MLYCD: variants seen among roughly 807,000 people sequenced by gnomAD.
MLYCD encodes the protein malonyl-CoA decarboxylase.
In MLYCD, 27 loss-of-function variants were observed where a neutral mutation model predicts 35.8. The ratio of observed to expected loss-of-function variants is 0.75; its 90% CI spans 0.56 to 1.04. The LOEUF (loss-of-function observed/expected upper bound fraction) is 1.04, where lower values mean the gene tolerates loss of function less well. Among genes scored for constraint, MLYCD ranks in the 50% least tolerant of loss-of-function variants. The pLI is 0.00. For missense variants in MLYCD, 917 were observed against 665.1 expected (o/e 1.38, Z -4.17); for synonymous variants, 403 against 302.4 (o/e 1.33, Z -3.45).
Position 83,923,184 on chromosome 16 carries a change from C to T in MLYCD, c.*7695C>T, listed in dbSNP as rs1486764446. 2 of 152,296 alleles carry T rather than the reference C, an allele frequency of 1.3e-5. No individual in the cohort carries two copies. The highest frequency in any genetic ancestry group is 2.4e-5 in the African/African-American group (1 of 41,470). 9.4% of individuals were successfully genotyped at this position (152,296 alleles called of 1,614,324 possible). A position where few individuals can be genotyped will look rare whatever the true frequency, so the allele number is the denominator to read the frequency against. On this transcript the variant is annotated 3_prime_UTR_variant, in exon 5 of 5. Transcript: ENST00000262430. ...TTGCTCCCAAGAGGGCTTCCCTCCT[C>T]CTCGTTCTGTGTGGCCTCAGAAGTG...
Position 83,915,208 on chromosome 16 carries a change from C to T in MLYCD, c.1201C>T (p.Leu401=). Reference sequence around the variant, plus strand: ...GGCGCTGCAGACTCCGCTGATGAGGCTGTGCGCCTGGTACCTGTATGGAGA... The same window carrying T: ...GGCGCTGCAGACTCCGCTGATGAGGTTGTGCGCCTGGTACCTGTATGGAGA... ...VRALQTPLMR[L]CAWYLYGEKH... Residue 401 remains leucine (L), a synonymous_variant, in exon 5 of 5, where the codon CTG becomes TTG. Coordinates refer to ENST00000262430, the MANE Select transcript of MLYCD (RefSeq NM_012213.3). The T allele has an allele frequency of 6.2e-7, 1 of 1,614,060 alleles. No homozygotes were observed. Among genetic ancestry groups the T allele is most frequent in the Non-Finnish European group, 8.5e-7 (1 of 1,179,886 alleles).
Position 83,926,469 on chromosome 16 carries a change from A to G in MLYCD, c.*10980A>G, listed in dbSNP as rs1212664165. Reference sequence around the variant, plus strand: ...GCCGTGACACCTAATCCATCCGGGGAAGTTCCCTTTAAACCCAAAAGGGGA... The same window carrying G: ...GCCGTGACACCTAATCCATCCGGGGGAGTTCCCTTTAAACCCAAAAGGGGA... On this transcript the variant is annotated 3_prime_UTR_variant, in exon 5 of 5. Coordinates refer to ENST00000262430, the MANE Select transcript of MLYCD (RefSeq NM_012213.3). 3.3e-5 allele frequency: 5 copies of G among 152,168 alleles called. No homozygotes were observed. Among genetic ancestry groups the G allele is most frequent in the African/African-American group, 7.2e-5 (3 of 41,442 alleles). 9.4% of individuals were successfully genotyped at this position (152,168 alleles called of 1,614,324 possible). A position where few individuals can be genotyped will look rare whatever the true frequency, so the allele number is the denominator to read the frequency against.
intron 2 of MLYCD, among the ~76,000 whole-genome samples, chr16:83,907,882 A>G (rs1907037609): frequency 6.6e-6 from 1 of 152,114 alleles, no homozygotes; most frequent in Non-Finnish European, 1.5e-5. Flanking sequence ...GAGCCTCACA[A>G]ACTCCTTTTA....
At chr16:83,912,093 G>A (rs1907199259) in intron 3 of MLYCD, 125 bp from the exon 4 acceptor site, 1 of 1,373,050 alleles carries the variant, frequency 7.3e-7, no homozygotes, top group East Asian at 2.3e-5. Flanking sequence ...CCCCAGCTGG[G>A]GAGCCGAGGT....
Position 83,918,217 on chromosome 16 carries a change from T to G in MLYCD, c.*2728T>G, listed in dbSNP as rs569451326. ...TTCTTAACCTTTTGTGAGTTACAGA[T>G]CACTGAAATTCTGGTGAAAGCCAGG... On this transcript the variant is annotated 3_prime_UTR_variant, in exon 5 of 5. Transcript: ENST00000262430. 1 of 152,236 alleles carries G rather than the reference T, an allele frequency of 6.6e-6. No homozygotes were observed. The highest frequency in any genetic ancestry group is 2.4e-5 in the African/African-American group (1 of 41,454). The allele number at this position is 152,236 out of a possible 1,614,324, so 9.4% of individuals were successfully genotyped here. A position where few individuals can be genotyped will look rare whatever the true frequency, so the allele number is the denominator to read the frequency against.
intron 1 of MLYCD, among the ~76,000 whole-genome samples, chr16:83,904,355 A>T (rs151249667): frequency 6.6e-6 from 1 of 152,052 alleles, no homozygotes; most frequent in East Asian, 1.9e-4. Flanking sequence ...TTACTAATGT[A>T]TTTGCAGTGT....
intron 1 of MLYCD, among the ~76,000 whole-genome samples, chr16:83,903,614 C>T (rs1377197474): frequency 6.6e-6 from 1 of 152,182 alleles, no homozygotes; most frequent in Non-Finnish European, 1.5e-5. Context: ...GTGGGCTGGT[C>T]TAAACGGTGT....
At chr16:83,905,659 T>C (rs1220679562) in intron 1 of MLYCD, among the ~76,000 whole-genome samples, 2 of 152,244 alleles carry the variant, frequency 1.3e-5, no homozygotes, top group East Asian at 3.9e-4. Context: ...GCCAAGGGCC[T>C]GCTCCTGCTG....
At position 83,923,962 on chromosome 16, in the gene MLYCD, G is replaced by A. The variant is rs546307186; in HGVS notation, c.*8473G>A. 6.6e-6 allele frequency: 1 copy of A among 152,462 alleles called. No homozygotes were observed. Among genetic ancestry groups the A allele is most frequent in the South Asian group, 2.1e-4 (1 of 4,828 alleles). 9.4% of individuals were successfully genotyped at this position (152,462 alleles called of 1,614,324 possible). A position where few individuals can be genotyped will look rare whatever the true frequency, so the allele number is the denominator to read the frequency against. Reference sequence around the variant, plus strand: ...TGCTGACATTCTGGCAAGGGGGCGGGGGTCTGTGGAAGACAACCCCAGGCT... The same window carrying A: ...TGCTGACATTCTGGCAAGGGGGCGGAGGTCTGTGGAAGACAACCCCAGGCT... On this transcript the variant is annotated 3_prime_UTR_variant, in exon 5 of 5. Transcript: ENST00000262430.
rs374073138 is a variant in MLYCD at position 83,915,020 on chromosome 16, T to C, written c.1013T>C (p.Leu338Pro). The change falls in exon 5 of 5, where the codon CTT (leucine) becomes CCT (proline). Residue 338 changes from leucine (L) to proline (P), a missense_variant. Transcript: ENST00000262430. ...CCTATACCTGGTTTCACCAAATGGC[T>C]TCTGGGGCTTCTGAACTCGCAAACG... ...LSPIPGFTKW[L>P]LGLLNSQTKE... The C allele has an allele frequency of 1.9e-6, 3 of 1,614,112 alleles. No individual in the cohort carries two copies. In the African/African-American group the frequency reaches 4.0e-5, roughly 22 times the overall value.
At chr16:83,911,961 A>C (rs1907194462) in intron 3 of MLYCD, 1 of 508,548 alleles carries the variant, frequency 2.0e-6, no homozygotes, top group Non-Finnish European at 3.6e-6. Context: ...ATTGCTCTTC[A>C]ACAAAGTTTG....
Position 83,919,769 on chromosome 16 carries a change from CATG to C in MLYCD, c.*4281_*4283del, listed in dbSNP as rs929250009. ...AGAACACACGGTGCACAGGAGAACA[CATG>C]GTGCACAGGAGAACACACGGTGTAC... On this transcript the variant is annotated 3_prime_UTR_variant, in exon 5 of 5. Transcript: ENST00000262430. 6.6e-6 allele frequency: 1 copy of C among 151,166 alleles called. No homozygotes were observed. Among genetic ancestry groups the C allele is most frequent in the East Asian group, 2.0e-4 (1 of 5,058 alleles). The allele number at this position is 151,166 out of a possible 1,614,324, so 9.4% of individuals were successfully genotyped here. A position where few individuals can be genotyped will look rare whatever the true frequency, so the allele number is the denominator to read the frequency against.
In MLYCD at chr16:83,915,752, CCCTT is replaced by C; in HGVS notation, c.*264_*267del. The C allele has an allele frequency of 7.4e-7, 1 of 1,354,398 alleles. No individual in the cohort carries two copies. The highest frequency in any genetic ancestry group is 1.5e-5 in the African/African-American group (1 of 68,064). 83.9% of individuals were successfully genotyped at this position (1,354,398 alleles called of 1,614,324 possible). ...CTGTCTCCGGAAGATTCTGTCGTTG[CCCTT>C]GGCCTGGCTCCCTGCCCGGGGCTGG... On this transcript the variant is annotated 3_prime_UTR_variant, in exon 5 of 5. Coordinates refer to ENST00000262430, the MANE Select transcript of MLYCD (RefSeq NM_012213.3).
At chr16:83,911,480 T>C (rs1907177718) in intron 3 of MLYCD, among the ~76,000 whole-genome samples, 1 of 152,224 alleles carries the variant, frequency 6.6e-6, no homozygotes, top group Non-Finnish European at 1.5e-5. Context: ...TCCACTGTTA[T>C]CCAGTGAGCT....
Position 83,908,250 on chromosome 16 carries a change from G to A in MLYCD, c.766G>A (p.Ala256Thr), listed in dbSNP as rs1306023951. The A allele has an allele frequency of 2.5e-6, 4 of 1,614,060 alleles. No individual in the cohort carries two copies. In the East Asian group the frequency reaches 6.7e-5, roughly 27 times the overall value. The change falls in exon 3 of 5, where the codon GCA (alanine) becomes ACA (threonine). Residue 256 changes from alanine to threonine, a missense_variant. By Grantham distance (58) the Ala-to-Thr change is moderately conservative. Coordinates refer to ENST00000262430, the MANE Select transcript of MLYCD (RefSeq NM_012213.3). ...GGAGCCCCTGGTCGTTTTGCACGTGGCACTGACTGGTGACATCTCCAGCAA... is the reference window on the plus strand; with the variant it reads ...GGAGCCCCTGGTCGTTTTGCACGTGACACTGACTGGTGACATCTCCAGCAA... ...PGEPLVVLHV[A>T]LTGDISSNIQ... is the part of the protein sequence containing the mutation.
chr16:83,903,544 T>A (rs1906872003), intron 1 of MLYCD, among the ~76,000 whole-genome samples: 1 of 152,154 alleles, frequency 6.6e-6, no homozygotes, highest in Admixed American at 6.5e-5. Flanking sequence ...CATACCAAAA[T>A]AAGCAGATCT....
chr16:83,904,133 ATT>A (rs1906894986), intron 1 of MLYCD, among the ~76,000 whole-genome samples: 1 of 152,110 alleles, frequency 6.6e-6, no homozygotes, highest in African/African-American at 2.4e-5. Context: ...CAGCCAAACC[ATT>A]TCTTTCATAA....
intron 1 of MLYCD, among the ~76,000 whole-genome samples, chr16:83,904,083 C>A (rs1418847967): frequency 6.6e-6 from 1 of 152,078 alleles, no homozygotes; most frequent in Non-Finnish European, 1.5e-5. Context: ...GTCAGGAGCC[C>A]AAAATAGAAT....
At chr16:83,902,002 T>A (rs747219547) in intron 1 of MLYCD, among the ~76,000 whole-genome samples, 144 of 151,970 alleles carry the variant, frequency 9.5e-4, no homozygotes, top group Non-Finnish European at 1.8e-3. Context: ...CTTCCATTTC[T>A]TTACCTAGAA....
Sources: gnomAD v4.1 joint callset for allele counts (sites outside exome capture counted in the v4.1 genomes callset) on GRCh38, gnomAD v4.1.1 for gene constraint, MANE v1.5 for transcripts, NCBI Gene and HGNC (gene_info 2026-07-23, HGNC 2026-07-21) for gene names.